The following YIPF6 variants were observed in gnomAD, a reference collection of about 807,000 sequenced individuals.
YIPF6 encodes protein YIPF6.
Under a neutral mutation model 16.8 loss-of-function variants are expected in YIPF6, and 3 were observed. The ratio of observed to expected loss-of-function variants is 0.18; its 90% CI spans 0.08 to 0.46. YIPF6 has a LOEUF of 0.46. Ranked by LOEUF, YIPF6 falls within the 20% of genes least tolerant of loss-of-function variation. The pLI, the probability that YIPF6 is intolerant of heterozygous loss-of-function variation, is 0.98. For missense variants in YIPF6, 145 were observed against 184.9 expected (o/e 0.78, Z 1.25); for synonymous variants, 67 against 61.9 (o/e 1.08, Z -0.38).
In YIPF6 at chrX:68,531,719, T is replaced by A. The variant is rs747332540; in HGVS notation, c.593-162T>A. 5.3e-5 allele frequency among the ~76,000 whole-genome samples: 6 copies of A among 112,402 alleles called. No homozygotes were observed. The South Asian group carries it at 1.8e-3, about 35-fold the overall frequency. On this transcript the variant is annotated intron_variant, in intron 6 of 6. Coordinates refer to ENST00000462683, the MANE Select transcript of YIPF6 (RefSeq NM_173834.4). ...GCCTCGGCTCTCTGAAAAACTATGT[T>A]GCAGAATGCCTTTATCTCTGAGGAT...
intron 1 of YIPF6, among the ~76,000 whole-genome samples, chrX:68,500,241 C>G (rs1159373263): frequency 8.9e-6 from 1 of 111,991 alleles, no homozygotes; most frequent in Non-Finnish European, 1.9e-5. Context: ...CAATATTCTG[C>G]TCCTGTCCCT....
intron 5 of YIPF6, among the ~76,000 whole-genome samples, chrX:68,521,898 A>G (rs2079127732): frequency 9.0e-6 from 1 of 110,843 alleles, no homozygotes. Context: ...CTGGCCTCAT[A>G]TTTTGTTTTA....
chrX:68,521,270 G>A lies in YIPF6; in HGVS notation c.309-102G>A, dbSNP rs980877194. 10 of 977,304 alleles carry A rather than the reference G, an allele frequency of 1.0e-5. No individual in the cohort carries two copies. In the African/African-American group the frequency reaches 1.9e-4, roughly 19 times the overall value. The allele number at this position is 977,304 out of a possible 1,213,427, so 80.5% of individuals were successfully genotyped here. ...CTACATATTACAGATCTTCAGGTGA[G>A]GTATGGCACAGCAATCTGATTCAAA... On this transcript the variant is annotated intron_variant, in intron 4 of 6. Transcript: ENST00000462683.
intron 1 of YIPF6, among the ~76,000 whole-genome samples, chrX:68,510,998 A>T (rs758897533): frequency 8.9e-6 from 1 of 112,981 alleles, no homozygotes; most frequent in Non-Finnish European, 1.9e-5. Context: ...CATTTCATTT[A>T]TCTGCAACTG....
At chrX:68,510,442 T>A (rs1048262496) in intron 1 of YIPF6, among the ~76,000 whole-genome samples, 12 of 110,552 alleles carry the variant, frequency 1.1e-4, no homozygotes, top group Non-Finnish European at 1.5e-4. Flanking sequence ...TCTCTCCCTG[T>A]CTGCTCTATC....
At chrX:68,509,255 A>G (rs1036051979) in intron 1 of YIPF6, among the ~76,000 whole-genome samples, 12 of 109,636 alleles carry the variant, frequency 1.1e-4, no homozygotes, top group African/African-American at 4.0e-4. Context: ...GACCACAGTT[A>G]GTTGCATGCC....
intron 1 of YIPF6, among the ~76,000 whole-genome samples, chrX:68,508,760 T>A (rs2079069222): frequency 8.9e-6 from 1 of 112,470 alleles, no homozygotes; most frequent in Non-Finnish European, 1.9e-5. Flanking sequence ...CATAGTAATC[T>A]TAAATTTCTT....
chrX:68,507,558 T>C (rs995031289), intron 1 of YIPF6, among the ~76,000 whole-genome samples: 59 of 111,272 alleles, frequency 5.3e-4, no homozygotes, highest in African/African-American at 1.7e-3. Context: ...GAGATGTCTT[T>C]CTTTGTTTAT....
chrX:68,530,151 G>A (rs1450687977), intron 6 of YIPF6, among the ~76,000 whole-genome samples: 2 of 111,970 alleles, frequency 1.8e-5, no homozygotes, highest in African/African-American at 6.5e-5. Context: ...CTTTCTTTCA[G>A]TGATGCCCTG....
chrX:68,508,409 C>T (rs1287797252), intron 1 of YIPF6, among the ~76,000 whole-genome samples: 1 of 111,983 alleles, frequency 8.9e-6, no homozygotes, highest in Non-Finnish European at 1.9e-5. Flanking sequence ...TAGCCTATAT[C>T]TCTTCAGAGC....
chrX:68,535,890 A>G lies in YIPF6; in HGVS notation c.*3891A>G, dbSNP rs1233195531. 2.7e-5 allele frequency: 3 copies of G among 111,399 alleles called. No individual in the cohort carries two copies. Among genetic ancestry groups the G allele is most frequent in the African/African-American group, 6.5e-5 (2 of 30,687 alleles). 9.2% of individuals were successfully genotyped at this position (111,399 alleles called of 1,213,427 possible). ...GCCTCGACCTCCCTGGGCTCAAGCA[A>G]TCCTCCCACTTCAGTGTCCCGAGTA... is the stretch of plus-strand genomic sequence containing the variant. On this transcript the variant is annotated 3_prime_UTR_variant, in exon 7 of 7. Coordinates refer to ENST00000462683, the MANE Select transcript of YIPF6 (RefSeq NM_173834.4).
intron 1 of YIPF6, 187 bp from the exon 2 acceptor site, chrX:68,511,662 A>G: frequency 2.6e-6 from 1 of 378,658 alleles, no homozygotes; most frequent in Non-Finnish European, 4.2e-6. Flanking sequence ...CATTATGTTT[A>G]ATCTTTAAAG....
At position 68,513,133 on chromosome X, in the gene YIPF6, G is replaced by C. The variant is rs761421813; in HGVS notation, c.187-194G>C. 6.3e-5 allele frequency among the ~76,000 whole-genome samples: 7 copies of C among 111,788 alleles called. No individual in the cohort carries two copies. The East Asian group carries it at 1.7e-3, about 27-fold the overall frequency. On this transcript the variant is annotated intron_variant, in intron 2 of 6. Transcript: ENST00000462683. ...AGATGTGGAAAGGTGTTAAAAGTTGGCTTAAGAAGTTAATAGAAAAAGCAT... is the reference window on the plus strand; with the variant it reads ...AGATGTGGAAAGGTGTTAAAAGTTGCCTTAAGAAGTTAATAGAAAAAGCAT...
intron 1 of YIPF6, among the ~76,000 whole-genome samples, chrX:68,503,766 C>T (rs1283735275): frequency 8.9e-6 from 1 of 112,404 alleles, no homozygotes; most frequent in Non-Finnish European, 1.9e-5. Context: ...AACAAATTCA[C>T]GGGTTCCCAC....
intron 1 of YIPF6, among the ~76,000 whole-genome samples, chrX:68,501,127 A>G (rs2147816371): frequency 8.9e-6 from 1 of 112,223 alleles, no homozygotes; most frequent in South Asian, 3.7e-4. Context: ...GCACTGTGCT[A>G]GTTGCTGTAG....
At chrX:68,528,393 T>C (rs781233472) in intron 6 of YIPF6, among the ~76,000 whole-genome samples, 1 of 111,786 alleles carries the variant, frequency 8.9e-6, no homozygotes, top group East Asian at 2.8e-4. Flanking sequence ...GTGATATGGG[T>C]CTCCTGAATA....
chrX:68,526,320 C>G (rs1261433423), intron 6 of YIPF6, among the ~76,000 whole-genome samples: 1 of 107,429 alleles, frequency 9.3e-6, no homozygotes, highest in African/African-American at 3.7e-5. Context: ...GTGATTTTTG[C>G]ACATTGATTT....
rs1417233448 is a variant in YIPF6, at chrX:68,502,799, A to G, written c.57+3676A>G. ...TGTATTTAGGGGGCAGGAAGAAGAG[A>G]TAGGCTGTAATAATGGCTGCAGTCT... On this transcript the variant is annotated intron_variant, in intron 1 of 6. Transcript: ENST00000462683. Among the ~76,000 whole-genome samples the G allele has an allele frequency of 3.7e-5, 4 of 109,346 alleles. No homozygotes were observed. The Admixed American group carries it at 3.9e-4, about 11-fold the overall frequency. The allele number at this position is 109,346 out of a possible 115,157, so 95.0% of individuals were successfully genotyped here.
At position 68,534,196 on chromosome X, in the gene YIPF6, A is replaced by G. The variant is rs1326458547; in HGVS notation, c.*2197A>G. 2 of 111,883 alleles carry G rather than the reference A, an allele frequency of 1.8e-5. No homozygotes were observed. The highest frequency in any genetic ancestry group is 1.9e-4 in the Admixed American group (2 of 10,541). The allele number at this position is 111,883 out of a possible 1,213,427, so 9.2% of individuals were successfully genotyped here. On this transcript the variant is annotated 3_prime_UTR_variant, in exon 7 of 7. Transcript: ENST00000462683. ...CATTTACCCCAAGATAACTTTGCCT[A>G]CGAAATATTTCGCTTTTATTATTTT...
Sources: allele counts gnomAD v4.1 joint callset (sites outside exome capture counted in the v4.1 genomes callset), GRCh38; gene constraint gnomAD v4.1.1; transcripts MANE v1.5; gene names NCBI Gene and HGNC (gene_info 2026-07-23, HGNC 2026-07-21).